The following FSAF1 variants were observed in gnomAD, a reference collection of about 807,000 sequenced individuals.
FSAF1 encodes the protein uncharacterized protein C1orf131.
the FSAF1 span, chr1:231,226,575 G>A: frequency 7.5e-6 from 5 of 668,640 alleles, no homozygotes; most frequent in South Asian, 3.7e-5. Context: ...AGATTACTTG[G>A]CTGGTATTAC....
the FSAF1 span, among the ~76,000 whole-genome samples, chr1:231,239,666 A>G: frequency 6.6e-6 from 1 of 152,208 alleles, no homozygotes; most frequent in Non-Finnish European, 1.5e-5. Flanking sequence ...TCCTCTTTCT[A>G]TATTTCACTT....
At chr1:231,225,341 A>G in the FSAF1 span, 4 of 802,288 alleles carry the variant, frequency 5.0e-6, no homozygotes, top group Non-Finnish European at 8.3e-6. Flanking sequence ...TACTTTGACA[A>G]GGATAAATGA....
chr1:231,230,233 A>T, the FSAF1 span, among the ~76,000 whole-genome samples: 13 of 152,148 alleles, frequency 8.5e-5, no homozygotes, highest in African/African-American at 3.1e-4. Flanking sequence ...CCTGAATCTC[A>T]CACATCACAC....
the FSAF1 span, chr1:231,225,511 C>G: frequency 6.2e-7 from 1 of 1,613,530 alleles, no homozygotes; most frequent in African/African-American, 1.3e-5. Context: ...TTGAAAATAT[C>G]TGTTTCTTGG....
At chr1:231,236,086 G>T in the FSAF1 span, among the ~76,000 whole-genome samples, 1 of 152,142 alleles carries the variant, frequency 6.6e-6, no homozygotes, top group African/African-American at 2.4e-5. Context: ...CTGTTTAACT[G>T]TCCTACAATG....
the FSAF1 span, chr1:231,224,104 C>T: frequency 1.4e-6 from 1 of 701,762 alleles, no homozygotes; most frequent in Non-Finnish European, 2.2e-6. Context: ...CGTTCAGCAC[C>T]ATGAAGCAGA....
the FSAF1 span, among the ~76,000 whole-genome samples, chr1:231,228,064 C>T: frequency 1.3e-5 from 2 of 152,194 alleles, no homozygotes; most frequent in South Asian, 2.1e-4. Flanking sequence ...CAAACACACC[C>T]ACTCACACTT....
chr1:231,239,118 C>T, the FSAF1 span: 13 of 1,611,824 alleles, frequency 8.1e-6, no homozygotes, highest in Non-Finnish European at 1.1e-5. Flanking sequence ...CCGCTGAAGC[C>T]ATCACATCTC....
chr1:231,227,613 G>A, the FSAF1 span, among the ~76,000 whole-genome samples: 2 of 120,554 alleles, frequency 1.7e-5, no homozygotes, highest in Non-Finnish European at 3.3e-5. Context: ...TTTTGAGACG[G>A]AGTCTCACTC....
At chr1:231,225,695 T>C in the FSAF1 span, 1 of 652,172 alleles carries the variant, frequency 1.5e-6, no homozygotes, top group East Asian at 2.8e-5. Flanking sequence ...CTTTCAAGAA[T>C]GTGAAAGGCT....
chr1:231,241,116 G>C, the FSAF1 span: 6 of 1,613,338 alleles, frequency 3.7e-6, no homozygotes, highest in Non-Finnish European at 5.1e-6. Context: ...CGACATTGTG[G>C]GGTCAGCCGA....
At chr1:231,226,343 GCTTCCCTCTGC>G in the FSAF1 span, 5 of 255,348 alleles carry the variant, frequency 2.0e-5, no homozygotes, top group Admixed American at 5.0e-5. Flanking sequence ...GTACACATGG[GCTTCCCTCTGC>G]CTTCCCTCAT....
At chr1:231,233,841 G>A in the FSAF1 span, among the ~76,000 whole-genome samples, 8 of 152,300 alleles carry the variant, frequency 5.3e-5, no homozygotes, top group African/African-American at 1.2e-4. Context: ...ATGAGTCACC[G>A]TGCCCAGCCG....
chr1:231,234,662 T>C, the FSAF1 span, among the ~76,000 whole-genome samples: 1 of 152,218 alleles, frequency 6.6e-6, no homozygotes, highest in East Asian at 1.9e-4. The surrounding 1 kb of genome is among the most constrained non-coding windows in gnomAD (Gnocchi z 4.0). Context: ...TGAAATTCTT[T>C]GGTGGCTTCT....
chr1:231,224,752 A>T, the FSAF1 span: 3 of 278,728 alleles, frequency 1.1e-5, no homozygotes, highest in Non-Finnish European at 1.3e-5. Flanking sequence ...GCTCTCTTTC[A>T]GCCTCTCTAC....
the FSAF1 span, among the ~76,000 whole-genome samples, chr1:231,239,657 C>A: frequency 2.0e-5 from 3 of 152,196 alleles, no homozygotes; most frequent in Admixed American, 6.5e-5. Context: ...TCTATTAATT[C>A]CTCTTTCTAT....
the FSAF1 span, chr1:231,226,766 C>T: frequency 6.2e-7 from 1 of 1,610,156 alleles, no homozygotes. Context: ...CCTTTGCTGC[C>T]TTTTTTTCTT....
At chr1:231,238,881 C>G in the FSAF1 span, 10 of 1,613,152 alleles carry the variant, frequency 6.2e-6, no homozygotes, top group African/African-American at 9.3e-5. Context: ...TATGATCTGG[C>G]GTCAATTTTC....
the FSAF1 span, among the ~76,000 whole-genome samples, chr1:231,230,098 T>C: frequency 6.6e-6 from 1 of 152,210 alleles, no homozygotes; most frequent in African/African-American, 2.4e-5. Context: ...TACAAGCATG[T>C]TGCTCAAAAT....
Sources: gnomAD v4.1 joint callset for allele counts (sites outside exome capture counted in the v4.1 genomes callset) on GRCh38, gnomAD v4.1.1 for gene constraint, Gnocchi (gnomAD v3.1) non-coding constraint, MANE v1.5 for transcripts, NCBI Gene and HGNC (gene_info 2026-07-23, HGNC 2026-07-21) for gene names.